Variants in ANKS3 observed in about 807,000 individuals in gnomAD.
The protein encoded by ANKS3 is ankyrin repeat and sterile alpha motif domain containing 3.
A neutral mutation model predicts 80.7 loss-of-function variants in ANKS3; 62 were observed. The observed-to-expected ratio is 0.77, with a 90% CI of 0.63 to 0.95. ANKS3 has a LOEUF of 0.95. Ranked by LOEUF, ANKS3 falls within the 40% of genes least tolerant of loss-of-function variation. The pLI, the probability that ANKS3 is intolerant of heterozygous loss-of-function variation, is 0.00. For synonymous variants in ANKS3, 489 were observed against 355.3 expected, an observed-to-expected ratio of 1.38 and a Z score of -4.23; for missense variants, 1,150 against 883.6, an observed-to-expected ratio of 1.30 and a Z score of -3.82.
chr16:4,699,824 TCTG>T (rs1354948830), intron 11 of ANKS3: 1 of 152,340 alleles, frequency 6.6e-6, no homozygotes, highest in African/African-American at 2.4e-5. Flanking sequence ...CCTGCTCAAT[TCTG>T]CTGTGAGCTC....
chr16:4,700,996 G>C lies in ANKS3; in HGVS notation c.1258C>G (p.Gln420Glu). Residue 420 changes from glutamine (Q) to glutamate (E), a missense_variant, in exon 11 of 18, where the codon CAG becomes GAG. Gln to Glu is a conservative substitution (Grantham distance 29, BLOSUM62 2). Transcript: ENST00000304283. ...GFLAESSPQT[Q>E]RAPYSGPQDL... is the part of the protein sequence containing the mutation. ...TGGGGTCCTGAGTAGGGGGCCCTCT[G>C]AGTCTGGGGGCTGGACTCAGCGAGA... The C allele has an allele frequency of 6.2e-7, 1 of 1,613,974 alleles. No homozygotes were observed. Among genetic ancestry groups the C allele is most frequent in the Non-Finnish European group, 8.5e-7 (1 of 1,179,946 alleles).
At chr16:4,706,409 G>T (rs933221892) in intron 7 of ANKS3, among the ~76,000 whole-genome samples, 1 of 151,764 alleles carries the variant, frequency 6.6e-6, no homozygotes, top group Non-Finnish European at 1.5e-5. Context: ...TCTTGTTTTT[G>T]TATTTTTAGT....
chr16:4,721,074 G>C (rs1307770956), intron 6 of ANKS3, among the ~76,000 whole-genome samples: 1 of 150,688 alleles, frequency 6.6e-6, no homozygotes, highest in African/African-American at 2.4e-5. Flanking sequence ...GGGAGGCCAA[G>C]GTGGGCGGAT....
chr16:4,702,610 C>T (rs184940237), intron 8 of ANKS3, among the ~76,000 whole-genome samples: 62 of 152,300 alleles, frequency 4.1e-4, no homozygotes, highest in Non-Finnish European at 3.5e-4. Flanking sequence ...AGACACCCAT[C>T]GACCACGTGT....
chr16:4,722,828 G>T (rs940648643), intron 6 of ANKS3, among the ~76,000 whole-genome samples: 10 of 148,620 alleles, frequency 6.7e-5, no homozygotes, highest in African/African-American at 2.5e-4. Flanking sequence ...TGAGGCAGAA[G>T]AACTGCTTGA....
chr16:4,702,056 C>A (rs751664707), intron 9 of ANKS3, 46 bp downstream of exon 9: 1 of 1,531,374 alleles, frequency 6.5e-7, no homozygotes, highest in South Asian at 1.2e-5. Flanking sequence ...ACAGGAGCTC[C>A]AGGACCTGCC....
Position 4,698,081 on chromosome 16 carries a change from A to G in ANKS3, c.1725-19T>C. 6.3e-7 allele frequency: 1 copy of G among 1,593,546 alleles called. No homozygotes were observed. The highest frequency in any genetic ancestry group is 1.1e-5 in the South Asian group (1 of 87,954). On this transcript the variant is annotated intron_variant, in intron 14 of 17. Coordinates refer to ENST00000304283, the MANE Select transcript of ANKS3 (RefSeq NM_133450.4). Reference sequence around the variant, plus strand: ...ACAGGCTCTGCCAGACACAGAAACAAATATTGGTGAGAGCAGAGGCCTGGC... The same window carrying G: ...ACAGGCTCTGCCAGACACAGAAACAGATATTGGTGAGAGCAGAGGCCTGGC...
intron 1 of ANKS3, among the ~76,000 whole-genome samples, chr16:4,732,124 T>G (rs1184096159): frequency 6.6e-6 from 1 of 151,288 alleles, no homozygotes; most frequent in Non-Finnish European, 1.5e-5. Flanking sequence ...TGGTGAAGAG[T>G]GTGTGTAGGT....
At chr16:4,701,359 T>G in intron 10 of ANKS3, 75 bp downstream of exon 10, 1 of 1,428,466 alleles carries the variant, frequency 7.0e-7, no homozygotes, top group Non-Finnish European at 9.5e-7. Context: ...CATGCTCATC[T>G]TAAAGTAACT....
At chr16:4,730,193 T>A (rs776994342) in intron 2 of ANKS3, 42 bp from the exon 3 acceptor site, 4 of 1,447,082 alleles carry the variant, frequency 2.8e-6, no homozygotes, top group Non-Finnish European at 3.7e-6. Flanking sequence ...CCTGGCTGGT[T>A]GTTCCAGGGC....
intron 9 of ANKS3, 117 bp downstream of exon 9, chr16:4,701,985 C>T: frequency 7.7e-7 from 1 of 1,300,298 alleles, no homozygotes; most frequent in Non-Finnish European, 1.0e-6. Flanking sequence ...TACCCCTTTC[C>T]TGTCCTCTGC....
At chr16:4,697,225 G>T (rs1596336545) in intron 16 of ANKS3, 108 bp downstream of exon 16, 1 of 1,549,634 alleles carries the variant, frequency 6.5e-7, no homozygotes, top group South Asian at 1.1e-5. Context: ...CAGCCCCGAG[G>T]TCAGCCTTGG....
At chr16:4,701,392 C>T in intron 10 of ANKS3, 42 bp downstream of exon 10, 1 of 1,531,438 alleles carries the variant, frequency 6.5e-7, no homozygotes, top group Non-Finnish European at 8.8e-7. Context: ...GCATCCCAGC[C>T]AGGGACCGGC....
Position 4,698,302 on chromosome 16 carries a change from G to C in ANKS3, c.1724+125C>G, listed in dbSNP as rs2079693038. 7.6e-6 allele frequency: 10 copies of C among 1,322,822 alleles called. No homozygotes were observed. In the African/African-American group the frequency reaches 1.0e-4, roughly 14 times the overall value. The allele number at this position is 1,322,822 out of a possible 1,614,324, so 81.9% of individuals were successfully genotyped here. On this transcript the variant is annotated intron_variant, in intron 14 of 17. Coordinates refer to ENST00000304283, the MANE Select transcript of ANKS3 (RefSeq NM_133450.4). ...GGAAGGGCCTGATGAAATGGGGGTG[G>C]GGTGGCTCCAGACCCTGAAATCCAC...
At position 4,698,492 on chromosome 16, in the gene ANKS3, G is replaced by A; in HGVS notation, c.1659C>T (p.Leu553=). The A allele has an allele frequency of 3.2e-6, 5 of 1,553,042 alleles. No individual in the cohort carries two copies. The South Asian group carries it at 5.8e-5, about 18-fold the overall frequency. The change falls in exon 14 of 18, where the codon CTC becomes CTT. Residue 553 remains leucine (L), a synonymous_variant. Transcript: ENST00000304283. ...CCCACGTCTCCCGCAGCCGGGCCTG[G>A]AGGTCCTCGCGGGCGCGGTCCTGCT... ...LLEQDRARED[L]QARLRETWAL...
At chr16:4,732,726 C>T (rs2081710162) in intron 1 of ANKS3, among the ~76,000 whole-genome samples, 1 of 150,904 alleles carries the variant, frequency 6.6e-6, no homozygotes. Context: ...TAAAATGTCC[C>T]ATCCCGAGTG....
chr16:4,720,338 T>C (rs2081024562), intron 6 of ANKS3, among the ~76,000 whole-genome samples: 1 of 150,364 alleles, frequency 6.7e-6, no homozygotes, highest in Admixed American at 6.7e-5. Flanking sequence ...GGCGAGTGCC[T>C]ACAGTCCCAG....
intron 8 of ANKS3, among the ~76,000 whole-genome samples, chr16:4,703,368 G>A (rs2080020108): frequency 1.3e-5 from 2 of 151,746 alleles, no homozygotes; most frequent in South Asian, 2.1e-4. Context: ...TCCTACCTCA[G>A]CCTTCCAAAG....
At chr16:4,715,066 C>A (rs2080721102) in intron 6 of ANKS3, among the ~76,000 whole-genome samples, 1 of 140,252 alleles carries the variant, frequency 7.1e-6, no homozygotes, top group Non-Finnish European at 1.5e-5. Context: ...CTAGAGAAAA[C>A]TTGAATGCTC....
Sources: allele counts gnomAD v4.1 joint callset (sites outside exome capture counted in the v4.1 genomes callset), GRCh38; gene constraint gnomAD v4.1.1; transcripts MANE v1.5; gene names NCBI Gene and HGNC (gene_info 2026-07-23, HGNC 2026-07-21).